C16orf78: variants seen among roughly 807,000 people sequenced by gnomAD.
The protein encoded by C16orf78 is chromosome 16 open reading frame 78.
Under a neutral mutation model 27.3 loss-of-function variants are expected in C16orf78, and 19 were observed. The ratio of observed to expected loss-of-function variants is 0.70; its 90% CI spans 0.49 to 1.02. C16orf78 has a LOEUF of 1.02. Ranked by LOEUF, C16orf78 falls within the 50% of genes least tolerant of loss-of-function variation. The probability of loss-of-function intolerance (pLI) is 0.00; values close to 1 mark genes in which losing one functional copy is unlikely to be tolerated. For missense variants in C16orf78, 339 were observed against 337.0 expected, an observed-to-expected ratio of 1.01 and a Z score of -0.05; for synonymous variants, 130 against 116.1, an observed-to-expected ratio of 1.12 and a Z score of -0.77.
intron 2 of C16orf78, 99 bp downstream of exon 2, chr16:49,377,949 T>G: frequency 6.9e-7 from 1 of 1,458,094 alleles, no homozygotes; most frequent in Middle Eastern, 2.5e-4. Context: ...ACTTTCTAAA[T>G]TTCAAGGCTC....
chr16:49,389,703 G>A (rs1414385161), intron 3 of C16orf78, among the ~76,000 whole-genome samples: 1 of 152,180 alleles, frequency 6.6e-6, no homozygotes, highest in Non-Finnish European at 1.5e-5. Context: ...CCTTATCAGA[G>A]TATACTTCCA....
Position 49,377,796 on chromosome 16 carries a change from AG to A in C16orf78, c.218del (p.Gly73AlafsTer3). The A allele has an allele frequency of 6.3e-7, 1 of 1,595,170 alleles. No homozygotes were observed. Among genetic ancestry groups the A allele is most frequent in the Non-Finnish European group, 8.5e-7 (1 of 1,170,310 alleles). The part of the protein sequence containing the change: ...NKKKEEKKGK[G>X]LMTARGGNRR... ...AGAAGAAGGAAGAGAAGAAAGGCAA[AG>A]GCCTCATGACAGCACGGGGAGGGAA... On this transcript the variant is annotated frameshift_variant, in exon 2 of 5. Transcript: ENST00000299191. LOFTEE classifies it high-confidence loss of function.
chr16:49,399,180 A>G lies in C16orf78; in HGVS notation c.700A>G (p.Lys234Glu), dbSNP rs1450817413. 1 of 1,614,086 alleles carries G rather than the reference A, an allele frequency of 6.2e-7. No individual in the cohort carries two copies. The highest frequency in any genetic ancestry group is 1.3e-5 in the African/African-American group (1 of 74,938). The change falls in exon 5 of 5, where the codon AAG (lysine) becomes GAG (glutamate). Residue 234 changes from lysine (K) to glutamate (E), a missense_variant. Lys to Glu is a moderately conservative substitution (Grantham distance 56, BLOSUM62 1). Transcript: ENST00000299191. ...ENIRTLLKLC[K>E]DAGMNVDIHP... is the part of the protein sequence containing the mutation. ...CATTCGGACCTTGCTCAAGTTGTGC[A>G]AGGATGCAGGAATGAATGTGGATAT... is the stretch of plus-strand genomic sequence containing the variant.
At position 49,377,755 on chromosome 16, in the gene C16orf78, G is replaced by C. The variant is rs1402038240; in HGVS notation, c.175G>C (p.Val59Leu). ...PEKQKPKVVT[V>L]LKRNKKKEEK... ...GAAGCAAAAGCCCAAAGTGGTGACA[G>C]TCCTTAAACGAAATAAGAAGAAGGA... Residue 59 changes from valine to leucine, a missense_variant, in exon 2 of 5, where the codon GTC (valine) becomes CTC (leucine). Val to Leu is a conservative substitution (Grantham distance 32, BLOSUM62 1). Coordinates refer to ENST00000299191, the MANE Select transcript of C16orf78 (RefSeq NM_144602.4). 1 of 1,602,972 alleles carries C rather than the reference G, an allele frequency of 6.2e-7. No homozygotes were observed. The highest frequency in any genetic ancestry group is 1.3e-5 in the African/African-American group (1 of 74,790).
intron 1 of C16orf78, among the ~76,000 whole-genome samples, 199 bp from the exon 2 acceptor site, chr16:49,377,532 G>T (rs535318890): frequency 6.6e-6 from 1 of 152,116 alleles, no homozygotes; most frequent in Non-Finnish European, 1.5e-5. Flanking sequence ...GGCTCAGAAA[G>T]TCGCTCTGGG....
At chr16:49,389,569 C>T (rs1965388916) in intron 3 of C16orf78, among the ~76,000 whole-genome samples, 1 of 152,176 alleles carries the variant, frequency 6.6e-6, no homozygotes, top group Non-Finnish European at 1.5e-5. Context: ...GCACTCCAGC[C>T]TGGGTGACAG....
intron 3 of C16orf78, among the ~76,000 whole-genome samples, chr16:49,393,155 C>T (rs152665): frequency 2.6e-5 from 4 of 151,932 alleles, no homozygotes. Context: ...AGAACAGACT[C>T]ATACAGCATA....
intron 3 of C16orf78, among the ~76,000 whole-genome samples, chr16:49,395,669 T>C (rs542591590): frequency 3.3e-4 from 51 of 152,356 alleles, no homozygotes; most frequent in African/African-American, 8.9e-4. Flanking sequence ...TCACACATTC[T>C]GTTCCTCTGC....
chr16:49,379,371 G>A (rs151015037), intron 3 of C16orf78, among the ~76,000 whole-genome samples: 1 of 151,730 alleles, frequency 6.6e-6, no homozygotes, highest in East Asian at 1.9e-4. Flanking sequence ...AAAGGTGTAG[G>A]GTAAAAGAGA....
chr16:49,396,501 A>G lies in C16orf78; in HGVS notation c.473A>G (p.Asp158Gly). 6.2e-7 allele frequency: 1 copy of G among 1,614,196 alleles called. No homozygotes were observed. Among genetic ancestry groups the G allele is most frequent in the South Asian group, 1.1e-5 (1 of 91,082 alleles). ...NPFRRQSIVLDPMLQEGTFNS... is the reference protein window; with the variant it reads ...NPFRRQSIVLGPMLQEGTFNS... Reference sequence around the variant, plus strand: ...TTCCGTCGACAAAGCATTGTCTTAGATCCCATGTTACAGGAGGGTACCTTT... The same window carrying G: ...TTCCGTCGACAAAGCATTGTCTTAGGTCCCATGTTACAGGAGGGTACCTTT... Residue 158 changes from aspartate to glycine, a missense_variant, in exon 4 of 5, where the codon GAT becomes GGT. Transcript: ENST00000299191.
chr16:49,378,371 T>C (rs1965246289), intron 2 of C16orf78, 99 bp from the exon 3 acceptor site: 2 of 1,480,372 alleles, frequency 1.4e-6, no homozygotes, highest in Non-Finnish European at 1.8e-6. Flanking sequence ...TTGCCTGCCT[T>C]TTGGCAAACC....
In C16orf78 at chr16:49,375,156, C is replaced by G. The variant is rs1965198433; in HGVS notation, c.150+1067C>G. Reference sequence around the variant, plus strand: ...TTGAAGTCACAGAAGTAATAAAGGGCAGAGCCAGGGCTCAAACTGAGGTTT... The same window carrying G: ...TTGAAGTCACAGAAGTAATAAAGGGGAGAGCCAGGGCTCAAACTGAGGTTT... On this transcript the variant is annotated intron_variant, in intron 1 of 4. Coordinates refer to ENST00000299191, the MANE Select transcript of C16orf78 (RefSeq NM_144602.4). Among the ~76,000 whole-genome samples, 9 of 152,108 alleles carry G rather than the reference C, an allele frequency of 5.9e-5. No homozygotes were observed. The South Asian group carries it at 1.9e-3, about 32-fold the overall frequency.
In C16orf78 at chr16:49,386,008, G is replaced by A. The variant is rs1041676283; in HGVS notation, c.394+7415G>A. ...CTTTAAGGACACACACAGCCTGAAA[G>A]AGAAGGAATTGGAAAAGATATTCCA... On this transcript the variant is annotated intron_variant, in intron 3 of 4. Coordinates refer to ENST00000299191, the MANE Select transcript of C16orf78 (RefSeq NM_144602.4). 1.4e-4 allele frequency among the ~76,000 whole-genome samples: 22 copies of A among 152,318 alleles called. 1 individual carries two copies. The highest frequency in any genetic ancestry group is 5.9e-4 in the Admixed American group (9 of 15,298).
intron 1 of C16orf78, among the ~76,000 whole-genome samples, chr16:49,374,584 T>C (rs564315676): frequency 6.6e-6 from 1 of 152,352 alleles, no homozygotes; most frequent in South Asian, 2.1e-4. Context: ...GTCAGAATTC[T>C]AGAAGGGCCA....
chr16:49,395,231 C>A (rs1283005874), intron 3 of C16orf78, among the ~76,000 whole-genome samples: 1 of 152,114 alleles, frequency 6.6e-6, no homozygotes, highest in Non-Finnish European at 1.5e-5. Flanking sequence ...GTAGACTTTT[C>A]TCTACATACT....
rs761783535 is a variant in C16orf78 at position 49,399,214 on chromosome 16, A to C, written c.734A>C (p.His245Pro). Residue 245 changes from histidine to proline, a missense_variant, in exon 5 of 5, where the codon CAC (histidine) becomes CCC (proline). Coordinates refer to ENST00000299191, the MANE Select transcript of C16orf78 (RefSeq NM_144602.4). ...DAGMNVDIHP[H>P]MVEEDIDAKK... ...GGAATGAATGTGGATATCCACCCCCACATGGTCGAAGAGGACATAGATGCT... is the reference window on the plus strand; with the variant it reads ...GGAATGAATGTGGATATCCACCCCCCCATGGTCGAAGAGGACATAGATGCT... 5 of 1,614,184 alleles carry C rather than the reference A, an allele frequency of 3.1e-6. No individual in the cohort carries two copies. Among genetic ancestry groups the C allele is most frequent in the Non-Finnish European group, 4.2e-6 (5 of 1,180,028 alleles).
At chr16:49,387,999 A>C (rs553376260) in intron 3 of C16orf78, among the ~76,000 whole-genome samples, 104 of 152,252 alleles carry the variant, frequency 6.8e-4, no homozygotes, top group Non-Finnish European at 1.2e-3. Flanking sequence ...CTTTCAAAAA[A>C]CCAGGCCAGC....
intron 1 of C16orf78, among the ~76,000 whole-genome samples, chr16:49,374,710 A>G (rs1051232049): frequency 6.6e-6 from 1 of 152,188 alleles, no homozygotes; most frequent in African/African-American, 2.4e-5. Context: ...CACTGCCATT[A>G]CTGCAACTGC....
intron 3 of C16orf78, among the ~76,000 whole-genome samples, chr16:49,386,755 A>G (rs1965356551): frequency 2.0e-5 from 3 of 152,036 alleles, no homozygotes; most frequent in Non-Finnish European, 2.9e-5. Flanking sequence ...TGCTCCATCC[A>G]TGTTCTTGCA....
Sources: gnomAD v4.1 joint callset for allele counts (sites outside exome capture counted in the v4.1 genomes callset) on GRCh38, gnomAD v4.1.1 for gene constraint, MANE v1.5 for transcripts, NCBI Gene and HGNC (gene_info 2026-07-23, HGNC 2026-07-21) for gene names.